AFG3L2: variants seen among roughly 807,000 people sequenced by gnomAD.
The protein encoded by AFG3L2 is mitochondrial inner membrane m-AAA protease component AFG3L2.
AFG3L2 carries 54 observed loss-of-function variants against 94.5 expected under a neutral mutation model. That is an observed-to-expected ratio of 0.57 (90% CI 0.46 to 0.72). The LOEUF (loss-of-function observed/expected upper bound fraction) is 0.72. AFG3L2 is among the 30% of genes least tolerant of loss of function. AFG3L2 has a pLI of 0.00. For missense variants in AFG3L2, 754 were observed against 994.9 expected (o/e 0.76, Z 3.26); for synonymous variants, 377 against 365.5 (o/e 1.03, Z -0.36).
At chr18:12,360,602 C>T (rs770557672) in intron 6 of AFG3L2, among the ~76,000 whole-genome samples, 12 of 152,190 alleles carry the variant, frequency 7.9e-5, no homozygotes, top group South Asian at 2.1e-4. Context: ...GGAACAGATG[C>T]GCCTTGCTGT....
chr18:12,363,481 T>C (rs1020279917), intron 6 of AFG3L2, among the ~76,000 whole-genome samples: 1 of 152,180 alleles, frequency 6.6e-6, no homozygotes, highest in Non-Finnish European at 1.5e-5. Flanking sequence ...TACTTCTCAG[T>C]CTTGAAAAGT....
In AFG3L2 at chr18:12,353,155, G is replaced by A. The variant is rs1412231167; in HGVS notation, c.1168C>T (p.Arg390Ter). 9 of 1,613,726 alleles carry A rather than the reference G, an allele frequency of 5.6e-6. No homozygotes were observed. The highest frequency in any genetic ancestry group is 6.8e-6 in the Non-Finnish European group (8 of 1,179,908). The change falls in exon 10 of 17, where the codon CGA (arginine) becomes TGA (stop). Residue 390 changes from arginine to a stop codon, truncating the protein, a stop_gained. Coordinates refer to ENST00000269143, the MANE Select transcript of AFG3L2 (RefSeq NM_006796.3). LOFTEE classifies it high-confidence loss of function. ...TTCCGAGCAAGGGCAAATAAGTCTC[G>A]GACCTTGGCAAAAACAGAAAGAGAG... ...MFVGVGPARV[R>*]DLFALARKNA...
At chr18:12,334,766 T>G (rs1907689811) in intron 16 of AFG3L2, among the ~76,000 whole-genome samples, 1 of 152,204 alleles carries the variant, frequency 6.6e-6, no homozygotes, top group East Asian at 1.9e-4. Context: ...CCAGCTGGCA[T>G]GCTGCCACCA....
rs921319525 is a variant in AFG3L2 at position 12,358,691 on chromosome 18, G to A, written c.1005C>T (p.Asp335=). Residue 335 remains aspartate (D), a synonymous_variant, in exon 8 of 17, where the codon GAC becomes GAT. Coordinates refer to ENST00000269143, the MANE Select transcript of AFG3L2 (RefSeq NM_006796.3). ...NFLKNPKQYQ[D]LGAKIPKGAI... ...TTACCTTTGGGATTTTTGCTCCTAG[G>A]TCTTGATACTGCTTTGGGTTTTTCA... 1 of 1,614,178 alleles carries A rather than the reference G, an allele frequency of 6.2e-7. No homozygotes were observed. Among genetic ancestry groups the A allele is most frequent in the East Asian group, 2.2e-5 (1 of 44,880 alleles).
In AFG3L2 at chr18:12,377,123, G is replaced by T. The variant is rs1909188522; in HGVS notation, c.-41C>A. 1 of 1,324,962 alleles carries T rather than the reference G, an allele frequency of 7.5e-7. No homozygotes were observed. Among genetic ancestry groups the T allele is most frequent in the Non-Finnish European group, 9.8e-7 (1 of 1,019,046 alleles). 82.1% of individuals were successfully genotyped at this position (1,324,962 alleles called of 1,614,324 possible). On this transcript the variant is annotated 5_prime_UTR_variant, in exon 1 of 17. Transcript: ENST00000269143. Reference sequence around the variant, plus strand: ...CCTCTCGGCCCGGGACGCTGCGCAGGCGCGGGCAGGCGACGACTGGCGGCC... The same window carrying T: ...CCTCTCGGCCCGGGACGCTGCGCAGTCGCGGGCAGGCGACGACTGGCGGCC...
chr18:12,332,107 T>G (rs2143084908), intron 16 of AFG3L2, among the ~76,000 whole-genome samples: 1 of 148,366 alleles, frequency 6.7e-6, no homozygotes, highest in Non-Finnish European at 1.5e-5. Context: ...AAATTATAAG[T>G]TGATCTCATA....
At chr18:12,370,781 G>T in intron 3 of AFG3L2, 68 bp downstream of exon 3, 1 of 1,078,882 alleles carries the variant, frequency 9.3e-7, no homozygotes, top group Non-Finnish European at 1.4e-6. Flanking sequence ...TCTTTGTTCA[G>T]TGGAAACTAC....
chr18:12,343,976 C>T (rs1344529600), intron 14 of AFG3L2, 156 bp downstream of exon 14: 27 of 678,024 alleles, frequency 4.0e-5, no homozygotes, highest in South Asian at 1.3e-4. Context: ...ATCTATGGGA[C>T]GGTTTGTGCA....
At chr18:12,338,492 G>A (rs2143115989) in intron 15 of AFG3L2, among the ~76,000 whole-genome samples, 1 of 152,240 alleles carries the variant, frequency 6.6e-6, no homozygotes. Context: ...CACAAAGGAG[G>A]AGGCTTCTGC....
At chr18:12,351,438 A>C (rs1236491553) in intron 10 of AFG3L2, 25 bp from the exon 11 acceptor site, 4 of 1,603,464 alleles carry the variant, frequency 2.5e-6, no homozygotes, top group Non-Finnish European at 3.4e-6. Context: ...AAATGCAAAC[A>C]CTATTAAATG....
intron 9 of AFG3L2, among the ~76,000 whole-genome samples, chr18:12,356,343 G>T (rs1238630163): frequency 4.6e-5 from 7 of 152,060 alleles, no homozygotes; most frequent in Middle Eastern, 6.8e-3. Flanking sequence ...GTACAGACAG[G>T]GTTTCGCCAT....
rs1181983521 is a variant in AFG3L2, at chr18:12,340,296, A to C, written c.1885T>G (p.Leu629Val). Residue 629 changes from leucine (L) to valine (V), a missense_variant, in exon 15 of 17, where the codon TTA (leucine) becomes GTA (valine). Coordinates refer to ENST00000269143, the MANE Select transcript of AFG3L2 (RefSeq NM_006796.3). ...EQLLDRMCMT[L>V]GGRVSEEIFF... The stretch of plus-strand genomic sequence containing the variant: ...ATTTCTTCAGAGACTCGACCACCTA[A>C]AGTCATACACATCCTATCCAAGAGC... 1 of 1,614,066 alleles carries C rather than the reference A, an allele frequency of 6.2e-7. No homozygotes were observed. The highest frequency in any genetic ancestry group is 1.7e-5 in the Admixed American group (1 of 60,004).
In AFG3L2 at chr18:12,329,533, T is replaced by C; in HGVS notation, c.*32A>G. The C allele has an allele frequency of 6.2e-7, 1 of 1,600,168 alleles. No individual in the cohort carries two copies. The highest frequency in any genetic ancestry group is 8.6e-7 in the Non-Finnish European group (1 of 1,168,386). The stretch of plus-strand genomic sequence containing the variant: ...AATAATGCACCAGCTGAAACCACAG[T>C]GGACAGACTGAGATGGCCTCCCTCT... On this transcript the variant is annotated 3_prime_UTR_variant, in exon 17 of 17. Transcript: ENST00000269143.
intron 16 of AFG3L2, among the ~76,000 whole-genome samples, chr18:12,333,204 C>T (rs1243749522): frequency 9.2e-6 from 1 of 108,218 alleles, no homozygotes; most frequent in Non-Finnish European, 1.8e-5. Context: ...ATATAATAAT[C>T]TAATATATAA....
chr18:12,340,718 C>A (rs574888079), intron 14 of AFG3L2, among the ~76,000 whole-genome samples: 12 of 152,284 alleles, frequency 7.9e-5, no homozygotes, highest in African/African-American at 2.9e-4. Flanking sequence ...GCCTCAGCCT[C>A]CTGAGTAGCT....
At chr18:12,340,983 C>T (rs1227497665) in intron 14 of AFG3L2, 3 of 153,818 alleles carry the variant, frequency 2.0e-5, no homozygotes, top group African/African-American at 4.9e-5. Flanking sequence ...GTCTTAAACT[C>T]CTGACTACAA....
intron 7 of AFG3L2, 88 bp from the exon 8 acceptor site, chr18:12,359,031 T>C: frequency 6.6e-7 from 1 of 1,526,060 alleles, no homozygotes; most frequent in South Asian, 1.2e-5. Context: ...TAAATATATA[T>C]AGCTACACCA....
In AFG3L2 at chr18:12,329,707, G is replaced by T. The variant is rs543969956; in HGVS notation, c.2252C>A (p.Ala751Glu). The change falls in exon 17 of 17, where the codon GCG becomes GAG. Residue 751 changes from alanine (A) to glutamate (E), a missense_variant. By Grantham distance (107) the Ala-to-Glu change is moderately radical. This residue lies in a region of AFG3L2 where 279 missense variants were observed against 378.6 expected (regional missense o/e 0.74). Transcript: ENST00000269143. Reference sequence around the variant, plus strand: ...AAATTCTTCATAGGTAGATTTTTCCGCAAATGGTCTGGGGCCCAAAAGTTC... The same window carrying T: ...AAATTCTTCATAGGTAGATTTTTCCTCAAATGGTCTGGGGCCCAAAAGTTC... Reference protein sequence around the residue: ...MVELLGPRPFAEKSTYEEFVE... With the variant: ...MVELLGPRPFEEKSTYEEFVE... 2.5e-6 allele frequency: 4 copies of T among 1,614,128 alleles called. No homozygotes were observed. The highest frequency in any genetic ancestry group is 3.4e-6 in the Non-Finnish European group (4 of 1,180,036).
rs760405732 is a variant in AFG3L2 at position 12,367,073 on chromosome 18, G to A, written c.444C>T (p.Leu148=). 10 of 1,614,112 alleles carry A rather than the reference G, an allele frequency of 6.2e-6. No homozygotes were observed. The Admixed American group carries it at 1.3e-4, about 22-fold the overall frequency. Reference sequence around the variant, plus strand: ...CTCCACCCCAGAACAGAGCAGTCCAGAGGAAGAACATCCTGAAATCCTTGT... The same window carrying A: ...CTCCACCCCAGAACAGAGCAGTCCAAAGGAAGAACATCCTGAAATCCTTGT... ...WDDKDFRMFF[L]WTALFWGGVM... The change falls in exon 5 of 17, where the codon CTC becomes CTT. Residue 148 remains leucine (L), a synonymous_variant. Coordinates refer to ENST00000269143, the MANE Select transcript of AFG3L2 (RefSeq NM_006796.3).
Sources: allele counts gnomAD v4.1 joint callset (sites outside exome capture counted in the v4.1 genomes callset), GRCh38; gene constraint gnomAD v4.1.1; regional missense constraint gnomAD v4.1.1; transcripts MANE v1.5; gene names NCBI Gene and HGNC (gene_info 2026-07-23, HGNC 2026-07-21).